Variants in CXADR observed in about 807,000 individuals in gnomAD.
CXADR encodes the protein CXADR cell adhesion molecule.
In CXADR, 20 loss-of-function variants were observed where a neutral mutation model predicts 40.3. That is an observed-to-expected ratio of 0.50 (90% CI 0.35 to 0.72). CXADR has a LOEUF of 0.72. CXADR is among the 30% of genes least tolerant of loss of function. The pLI is 0.01. For missense variants in CXADR, 332 were observed against 449.1 expected, an observed-to-expected ratio of 0.74 and a Z score of 2.36; for synonymous variants, 150 against 161.3, an observed-to-expected ratio of 0.93 and a Z score of 0.53.
At chr21:17,604,991 A>G in the CXADR span, 2 of 1,613,942 alleles carry the variant, frequency 1.2e-6, no homozygotes, top group South Asian at 1.1e-5. Flanking sequence ...TATTGACACG[A>G]ATACATCTAC....
At position 17,576,590 on chromosome 21, in the gene CXADR, T is replaced by C. The variant is rs374111450; in HGVS notation, c.1017+10979T>C. ...TCCCACTTTTCCGGGGGTAGATTTA[T>C]GTCTGTTACTTCGGTGTAATTGATA... On this transcript the variant is annotated intron_variant, in intron 7 of 7. Coordinates refer to the CXADR transcript ENST00000400169. Among the ~76,000 whole-genome samples, 6 of 152,318 alleles carry C rather than the reference T, an allele frequency of 3.9e-5. No individual in the cohort carries two copies. The East Asian group carries it at 1.2e-3, about 29-fold the overall frequency.
intron 7 of CXADR, among the ~76,000 whole-genome samples, chr21:17,585,922 C>G (rs147470410): frequency 2.6e-5 from 4 of 152,234 alleles, no homozygotes; most frequent in Admixed American, 1.3e-4. Flanking sequence ...TTAAAATTCT[C>G]CATTACCAGT....
chr21:17,529,680 C>G (rs982707642), intron 1 of CXADR, among the ~76,000 whole-genome samples: 2 of 152,152 alleles, frequency 1.3e-5, no homozygotes, highest in African/African-American at 4.8e-5. Context: ...AACACAAAGA[C>G]AATTTGAATT....
chr21:17,612,512 G>T, the CXADR span: 1 of 152,072 alleles, frequency 6.6e-6, no homozygotes, highest in Non-Finnish European at 1.5e-5. Context: ...CCGCCCTCGC[G>T]GCCCGCAGCC....
At chr21:17,603,900 A>T in the CXADR span, among the ~76,000 whole-genome samples, 1 of 152,214 alleles carries the variant, frequency 6.6e-6, no homozygotes. Flanking sequence ...AAATCAGATA[A>T]CAATGTAATT....
At position 17,564,066 on chromosome 21, in the gene CXADR, A is replaced by C. The variant is rs139420619; in HGVS notation, c.834-1362A>C. On this transcript the variant is annotated intron_variant, in intron 6 of 6. Transcript: ENST00000284878. ...AGTAAGTATCTATGAAGTGTAATAA[A>C]AGCAAGGCACAATGAAACGAGTATG... Among the ~76,000 whole-genome samples the C allele has an allele frequency of 8.2e-3, 1,241 of 152,120 alleles. 21 individuals are homozygous for C. The highest frequency in any genetic ancestry group is 0.028 in the African/African-American group (1,168 of 41,526).
At chr21:17,523,106 C>G (rs960313811) in intron 1 of CXADR, among the ~76,000 whole-genome samples, 5 of 152,170 alleles carry the variant, frequency 3.3e-5, no homozygotes, top group African/African-American at 1.2e-4. Flanking sequence ...AATTGGCCTC[C>G]TGTTGAGTGA....
At chr21:17,596,135 T>C (rs947589266), downstream of CXADR, among the ~76,000 whole-genome samples, 4 of 152,020 alleles carry the variant, frequency 2.6e-5, no homozygotes, top group Non-Finnish European at 5.9e-5. Context: ...TTGAATCATT[T>C]ACCTTTTACT....
chr21:17,612,816 C>T, the CXADR span: 1 of 152,196 alleles, frequency 6.6e-6, no homozygotes, highest in Admixed American at 6.5e-5. Flanking sequence ...CGCAGCGAGC[C>T]TCGTCCGGCG....
chr21:17,546,487 A>G (rs982127809), intron 1 of CXADR, among the ~76,000 whole-genome samples: 1 of 152,194 alleles, frequency 6.6e-6, no homozygotes, highest in Non-Finnish European at 1.5e-5. Flanking sequence ...GGCGAAGGGG[A>G]GGCAGGCACG....
chr21:17,626,772 G>A, the CXADR span: 1 of 152,200 alleles, frequency 6.6e-6, no homozygotes, highest in Non-Finnish European at 1.5e-5. Context: ...CTCATAAAAA[G>A]CACTCAAGAA....
intron 2 of CXADR, among the ~76,000 whole-genome samples, chr21:17,548,601 G>A (rs770331114): frequency 1.3e-5 from 2 of 151,844 alleles, no homozygotes; most frequent in African/African-American, 4.8e-5. Context: ...TAGAGCCCAG[G>A]ACTCTGATCC....
chr21:17,617,612 T>A, the CXADR span, among the ~76,000 whole-genome samples: 1 of 152,268 alleles, frequency 6.6e-6, no homozygotes, highest in East Asian at 1.9e-4. Flanking sequence ...TTTACACTAT[T>A]TGTAGTCTAT....
At chr21:17,631,771 C>T in the CXADR span, among the ~76,000 whole-genome samples, 1 of 152,138 alleles carries the variant, frequency 6.6e-6, no homozygotes, top group African/African-American at 2.4e-5. Context: ...AAGCTAAAGA[C>T]ATTTATTTGT....
downstream of CXADR, among the ~76,000 whole-genome samples, chr21:17,571,003 AC>A (rs1243572310): frequency 6.6e-6 from 1 of 152,126 alleles, no homozygotes; most frequent in Non-Finnish European, 1.5e-5. Flanking sequence ...TATCAGTAGC[AC>A]CCTGGTCCCC....
intron 2 of CXADR, among the ~76,000 whole-genome samples, chr21:17,547,968 T>C (rs2060920260): frequency 1.3e-5 from 2 of 152,170 alleles, no homozygotes; most frequent in East Asian, 3.9e-4. Flanking sequence ...AATAATCTCA[T>C]CTCCAAATAT....
intron 6 of CXADR, among the ~76,000 whole-genome samples, chr21:17,562,777 C>T (rs1168445375): frequency 1.3e-5 from 2 of 152,188 alleles, no homozygotes; most frequent in Non-Finnish European, 2.9e-5. Flanking sequence ...TGTTGCTTCA[C>T]TTTGTATTTT....
At chr21:17,616,676 C>T in the CXADR span, among the ~76,000 whole-genome samples, 7 of 151,982 alleles carry the variant, frequency 4.6e-5, no homozygotes, top group Non-Finnish European at 7.4e-5. Context: ...GAGGATGTTA[C>T]GTTACATAGC....
chr21:17,617,894 G>A, the CXADR span, among the ~76,000 whole-genome samples: 1 of 152,158 alleles, frequency 6.6e-6, no homozygotes, highest in South Asian at 2.1e-4. Flanking sequence ...TTGTGATGTT[G>A]TTTGGTAGCA....
Sources: allele counts gnomAD v4.1 joint callset (sites outside exome capture counted in the v4.1 genomes callset), GRCh38; gene constraint gnomAD v4.1.1; transcripts MANE v1.5; gene names NCBI Gene and HGNC (gene_info 2026-07-23, HGNC 2026-07-21).